The following CLYBL variants were observed in gnomAD, a reference collection of about 807,000 sequenced individuals.
CLYBL encodes citramalyl-CoA lyase, also known as citramalyl-CoA lyase, mitochondrial.
In CLYBL, 31 loss-of-function variants were observed where a neutral mutation model predicts 38.9. The observed-to-expected ratio is 0.80, with a 90% CI of 0.60 to 1.08. CLYBL has a LOEUF of 1.08. CLYBL is among the 50% of genes least tolerant of loss of function. The pLI is 0.00. For missense variants in CLYBL, 434 were observed against 411.6 expected (o/e 1.05, Z -0.47); for synonymous variants, 171 against 158.6 (o/e 1.08, Z -0.59).
At chr13:99,791,113 A>G (rs2049906583) in intron 2 of CLYBL, among the ~76,000 whole-genome samples, 1 of 152,146 alleles carries the variant, frequency 6.6e-6, no homozygotes, top group African/African-American at 2.4e-5. Context: ...TTAATTTGAT[A>G]CCAGCAGTCT....
At chr13:99,858,170 T>G (rs1169462425) in intron 2 of CLYBL, among the ~76,000 whole-genome samples, 1 of 152,210 alleles carries the variant, frequency 6.6e-6, no homozygotes, top group Non-Finnish European at 1.5e-5. Context: ...GCCTTTCAGC[T>G]TTTCTGAACT....
intron 1 of CLYBL, among the ~76,000 whole-genome samples, chr13:99,736,043 T>TC (rs1460021493): frequency 7.5e-6 from 1 of 133,250 alleles, no homozygotes; most frequent in African/African-American, 2.9e-5. Flanking sequence ...CTTTTCTTTT[T>TC]TTTTTTTTTT....
At chr13:99,783,105 T>G (rs1008937128) in intron 2 of CLYBL, among the ~76,000 whole-genome samples, 7 of 151,806 alleles carry the variant, frequency 4.6e-5, no homozygotes, top group Non-Finnish European at 5.9e-5. Flanking sequence ...TGCAGTGGCA[T>G]GATCTCGGCT....
chr13:99,741,022 G>A (rs9557284), intron 1 of CLYBL, among the ~76,000 whole-genome samples: 27,923 of 152,134 alleles, frequency 0.18, 2,919 homozygotes, highest in East Asian at 0.43. Context: ...GAGACAAATT[G>A]AAGTACAGAC....
chr13:99,824,992 G>C (rs573936611), intron 2 of CLYBL, among the ~76,000 whole-genome samples: 1 of 152,218 alleles, frequency 6.6e-6, no homozygotes, highest in East Asian at 1.9e-4. Flanking sequence ...ATTTCCAATA[G>C]AGCTCTCTGC....
chr13:99,659,516 G>A (rs2047379209), intron 1 of CLYBL, among the ~76,000 whole-genome samples: 2 of 152,120 alleles, frequency 1.3e-5, no homozygotes, highest in African/African-American at 4.8e-5. Flanking sequence ...AGCCAGGCTT[G>A]AATTTTTTGA....
intron 2 of CLYBL, among the ~76,000 whole-genome samples, chr13:99,826,633 G>T (rs2050700847): frequency 6.6e-6 from 1 of 152,192 alleles, no homozygotes; most frequent in South Asian, 2.1e-4. Flanking sequence ...CCAAATCATA[G>T]TCCAACTCTG....
rs1318650652 is a variant in CLYBL, at chr13:99,711,861, GC to G, written c.63-60960del. Among the ~76,000 whole-genome samples, 25 of 151,296 alleles carry G rather than the reference GC, an allele frequency of 1.7e-4. 1 individual carries two copies. The South Asian group carries it at 5.1e-3, about 31-fold the overall frequency. ...CTCCAGAGTAGCTGGGATTACAGGC[GC>G]CCACCATCACGCCCGGCTAATTTTT... is the stretch of plus-strand genomic sequence containing the variant. On this transcript the variant is annotated intron_variant, in intron 1 of 8. Coordinates refer to ENST00000339105, the MANE Select transcript of CLYBL (RefSeq NM_206808.5).
chr13:99,617,706 A>G (rs1401433939), intron 1 of CLYBL, among the ~76,000 whole-genome samples: 1 of 152,200 alleles, frequency 6.6e-6, no homozygotes, highest in Admixed American at 6.5e-5. Flanking sequence ...TGGTAGAGGA[A>G]ATATTTCTAT....
chr13:99,810,626 A>C (rs2050322692), intron 2 of CLYBL, among the ~76,000 whole-genome samples: 1 of 152,134 alleles, frequency 6.6e-6, no homozygotes, highest in South Asian at 2.1e-4. Context: ...TTTTAGATGT[A>C]TTCTAAGGGT....
chr13:99,863,681 T>C (rs7992587), intron 4 of CLYBL, among the ~76,000 whole-genome samples: 124,312 of 152,168 alleles, frequency 0.82, 51,512 homozygotes, highest in East Asian at 0.97. Context: ...AAACTACCGG[T>C]CTTAACAAAT....
At chr13:99,738,869 G>A (rs1476772901) in intron 1 of CLYBL, among the ~76,000 whole-genome samples, 3 of 152,098 alleles carry the variant, frequency 2.0e-5, no homozygotes, top group East Asian at 1.9e-4. Flanking sequence ...ACTGCACAGC[G>A]TTCCCTGACT....
At chr13:99,830,598 A>C (rs1362121118) in intron 2 of CLYBL, among the ~76,000 whole-genome samples, 1 of 152,170 alleles carries the variant, frequency 6.6e-6, no homozygotes, top group East Asian at 1.9e-4. Context: ...TGAGTCTGTG[A>C]CAGTCCCTAG....
At chr13:99,873,218 T>C (rs1294923272) in intron 7 of CLYBL, among the ~76,000 whole-genome samples, 3 of 152,224 alleles carry the variant, frequency 2.0e-5, no homozygotes, top group Non-Finnish European at 4.4e-5. Context: ...TCTTTCACTT[T>C]GCCTATAAAC....
chr13:99,646,950 C>T (rs2047049776), intron 1 of CLYBL, among the ~76,000 whole-genome samples: 1 of 152,188 alleles, frequency 6.6e-6, no homozygotes, highest in South Asian at 2.1e-4. Flanking sequence ...CCCAGGGATA[C>T]AGCAGGGAGA....
At chr13:99,637,069 G>A (rs982391179) in intron 1 of CLYBL, among the ~76,000 whole-genome samples, 2 of 152,058 alleles carry the variant, frequency 1.3e-5, no homozygotes, top group African/African-American at 2.4e-5. Flanking sequence ...TAGTAGAGAC[G>A]GGATTTCGCC....
chr13:99,769,393 T>C (rs2049335402), intron 1 of CLYBL, among the ~76,000 whole-genome samples: 1 of 152,242 alleles, frequency 6.6e-6, no homozygotes, highest in Non-Finnish European at 1.5e-5. Flanking sequence ...TTGCTGGTGC[T>C]TTCTACTCCA....
chr13:99,716,683 C>T (rs568839746), intron 1 of CLYBL, among the ~76,000 whole-genome samples: 1 of 150,808 alleles, frequency 6.6e-6, no homozygotes, highest in South Asian at 2.1e-4. Context: ...CACGCCCAGC[C>T]TATACTTGTT....
intron 1 of CLYBL, among the ~76,000 whole-genome samples, chr13:99,713,540 A>G (rs531143002): frequency 6.6e-6 from 1 of 151,682 alleles, no homozygotes; most frequent in African/African-American, 2.4e-5. Context: ...GGGTTTCACC[A>G]TGTTAGCTGG....
Sources: allele counts gnomAD v4.1 joint callset (sites outside exome capture counted in the v4.1 genomes callset), GRCh38; gene constraint gnomAD v4.1.1; transcripts MANE v1.5; gene names NCBI Gene and HGNC (gene_info 2026-07-23, HGNC 2026-07-21).